The following MMP26 variants were observed in gnomAD, a reference collection of about 807,000 sequenced individuals.
MMP26 encodes matrix metalloproteinase-26.
MMP26 carries 33 observed loss-of-function variants against 31.0 expected under a neutral mutation model. The ratio of observed to expected loss-of-function variants is 1.06; its 90% confidence interval spans 0.81 to 1.42. The LOEUF is 1.42. MMP26 is among the 40% of genes most tolerant of loss of function. The pLI, the probability that MMP26 is intolerant of heterozygous loss-of-function variation, is 0.00. For missense variants in MMP26, 347 were observed against 316.1 expected (o/e 1.10, Z -0.74); for synonymous variants, 122 against 114.9 (o/e 1.06, Z -0.40).
rs1313936410 is a variant in MMP26 at position 4,980,193 on chromosome 11, T to A, written c.-144-7875T>A. ...TATGACAGTTTTTCTTTTTCCTGAG[T>A]ATCAGGGTCAGTTACCCTTGAAAAT... On this transcript the variant is annotated intron_variant, in intron 2 of 7. Transcript: ENST00000380390. Among the ~76,000 whole-genome samples, 7 of 152,062 alleles carry A rather than the reference T, an allele frequency of 4.6e-5. No homozygotes were observed. In the South Asian group the frequency reaches 1.4e-3, roughly 31 times the overall value.
intron 2 of MMP26, among the ~76,000 whole-genome samples, chr11:4,850,749 T>C (rs1248674613): frequency 6.6e-6 from 1 of 151,516 alleles, no homozygotes; most frequent in Non-Finnish European, 1.5e-5. Context: ...ACTTTCAAGC[T>C]AAAAAAGGAA....
chr11:4,842,964 T>G (rs1849816381), intron 2 of MMP26, among the ~76,000 whole-genome samples: 1 of 152,144 alleles, frequency 6.6e-6, no homozygotes, highest in Admixed American at 6.5e-5. Flanking sequence ...CCCATGCAAG[T>G]CCGAAACCCA....
chr11:4,747,467 T>A (rs1276056254), intron 1 of MMP26, among the ~76,000 whole-genome samples: 2 of 152,144 alleles, frequency 1.3e-5, no homozygotes, highest in Non-Finnish European at 2.9e-5. Flanking sequence ...AGGATAAAAA[T>A]CAAAACTGTG....
intron 1 of MMP26, among the ~76,000 whole-genome samples, chr11:4,737,417 G>T (rs1415983227): frequency 6.6e-6 from 1 of 152,140 alleles, no homozygotes; most frequent in African/African-American, 2.4e-5. Context: ...GCCGAGGTGG[G>T]TGGATCACCT....
At chr11:4,821,538 T>C in intron 2 of MMP26, 2 of 1,612,584 alleles carry the variant, frequency 1.2e-6, no homozygotes, top group Non-Finnish European at 1.7e-6. Context: ...TATATGTTGT[T>C]GCCGTCTCTG....
At chr11:4,971,330 A>G (rs1037355710) in intron 2 of MMP26, among the ~76,000 whole-genome samples, 24 of 152,196 alleles carry the variant, frequency 1.6e-4, no homozygotes, top group African/African-American at 5.8e-4. Flanking sequence ...ACTATCATTC[A>G]ACAGGCTGTC....
At chr11:4,855,872 T>A (rs908135490) in intron 2 of MMP26, among the ~76,000 whole-genome samples, 1 of 152,212 alleles carries the variant, frequency 6.6e-6, no homozygotes, top group Admixed American at 6.5e-5. Flanking sequence ...ACAGTGGATC[T>A]CTTGGCAGAA....
intron 2 of MMP26, among the ~76,000 whole-genome samples, chr11:4,901,913 T>C (rs924228437): frequency 6.6e-6 from 1 of 152,224 alleles, no homozygotes; most frequent in East Asian, 1.9e-4. Flanking sequence ...ATAGATTTAT[T>C]ATAGAAGATG....
intron 1 of MMP26, among the ~76,000 whole-genome samples, chr11:4,753,585 T>C (rs1564901562): frequency 6.6e-6 from 1 of 152,100 alleles, no homozygotes; most frequent in Non-Finnish European, 1.5e-5. Context: ...TATTTGCTCT[T>C]CCTGAAATAT....
At chr11:4,751,335 G>A (rs1266234637) in intron 1 of MMP26, among the ~76,000 whole-genome samples, 1 of 152,070 alleles carries the variant, frequency 6.6e-6, no homozygotes, top group South Asian at 2.1e-4. Flanking sequence ...CACATATAAA[G>A]GCAAAACTGA....
chr11:4,753,865 C>T (rs1042903482), intron 1 of MMP26, among the ~76,000 whole-genome samples: 4 of 152,042 alleles, frequency 2.6e-5, no homozygotes, highest in Admixed American at 6.6e-5. Context: ...ACACAAAATA[C>T]TGCCCCGTTT....
rs1275295004 is a variant in MMP26, at chr11:4,932,740, G to T, written c.-144-55328G>T. Among the ~76,000 whole-genome samples the T allele has an allele frequency of 2.0e-5, 3 of 152,072 alleles. No homozygotes were observed. In the East Asian group the frequency reaches 5.8e-4, roughly 29 times the overall value. On this transcript the variant is annotated intron_variant, in intron 2 of 7. Coordinates refer to ENST00000380390, the MANE Select transcript of MMP26 (RefSeq NM_021801.5). Reference sequence around the variant, plus strand: ...TCGCTCTCCAGCTATTTCTGAACATGGTTCCTGGTCAAGAAACCTAATTCT... The same window carrying T: ...TCGCTCTCCAGCTATTTCTGAACATTGTTCCTGGTCAAGAAACCTAATTCT...
chr11:4,867,214 A>G (rs538759645), intron 2 of MMP26, among the ~76,000 whole-genome samples: 62 of 152,124 alleles, frequency 4.1e-4, no homozygotes, highest in Non-Finnish European at 7.2e-4. Context: ...AAGTATCTAG[A>G]AGGAACTTAA....
Position 4,886,387 on chromosome 11 carries a change from G to T in MMP26, c.-144-101681G>T, listed in dbSNP as rs530361721. Among the ~76,000 whole-genome samples the T allele has an allele frequency of 5.9e-5, 9 of 152,162 alleles. No individual in the cohort carries two copies. In the East Asian group the frequency reaches 1.7e-3, roughly 29 times the overall value. Reference sequence around the variant, plus strand: ...TTTAACTTCCTAACCCAGAGAAGAAGAGGAAGTAATAAATTCTACCTTCCC... The same window carrying T: ...TTTAACTTCCTAACCCAGAGAAGAATAGGAAGTAATAAATTCTACCTTCCC... On this transcript the variant is annotated intron_variant, in intron 2 of 7. Transcript: ENST00000380390.
At chr11:4,725,170 C>T (rs949030492) in intron 1 of MMP26, among the ~76,000 whole-genome samples, 78 of 152,216 alleles carry the variant, frequency 5.1e-4, no homozygotes, top group Non-Finnish European at 1.3e-4. Flanking sequence ...TGCCCAGCAC[C>T]ATGCTTCCTG....
intron 2 of MMP26, among the ~76,000 whole-genome samples, chr11:4,961,215 A>C (rs1165919732): frequency 6.6e-6 from 1 of 152,220 alleles, no homozygotes; most frequent in Non-Finnish European, 1.5e-5. Flanking sequence ...ATATGTTTAC[A>C]CACAAAGTCA....
chr11:4,761,437 C>A (rs1317212070), intron 1 of MMP26, among the ~76,000 whole-genome samples: 1 of 152,154 alleles, frequency 6.6e-6, no homozygotes, highest in Non-Finnish European at 1.5e-5. Context: ...TATAAGGAAT[C>A]TTAATTGTAG....
chr11:4,790,655 A>G (rs1435888517), intron 2 of MMP26, among the ~76,000 whole-genome samples: 1 of 152,196 alleles, frequency 6.6e-6, no homozygotes, highest in Non-Finnish European at 1.5e-5. Flanking sequence ...GGGCCCAGGT[A>G]AGAACATGGT....
At chr11:4,729,898 TA>T (rs1276381906) in intron 1 of MMP26, among the ~76,000 whole-genome samples, 1 of 151,974 alleles carries the variant, frequency 6.6e-6, no homozygotes, top group Non-Finnish European at 1.5e-5. Context: ...ATCGTAAAGT[TA>T]AGTAATATCT....
Sources: gnomAD v4.1 joint callset for allele counts (sites outside exome capture counted in the v4.1 genomes callset) on GRCh38, gnomAD v4.1.1 for gene constraint, MANE v1.5 for transcripts, NCBI Gene and HGNC (gene_info 2026-07-23, HGNC 2026-07-21) for gene names.